IKZF4: variants seen among roughly 807,000 people sequenced by gnomAD.
IKZF4 encodes the protein zinc finger protein Eos.
A neutral mutation model predicts 47.7 loss-of-function variants in IKZF4; 11 were observed. The observed-to-expected ratio is 0.23, with a 90% CI of 0.15 to 0.38. The LOEUF (loss-of-function observed/expected upper bound fraction) is 0.38. Ranked by LOEUF, IKZF4 falls within the 10% of genes least tolerant of loss-of-function variation. The pLI, the probability that IKZF4 is intolerant of heterozygous loss-of-function variation, is 1.00. For missense variants in IKZF4, 557 were observed against 784.9 expected (o/e 0.71, Z 3.47); for synonymous variants, 298 against 299.4 (o/e 1.00, Z 0.05).
At chr12:56,022,999 C>T (rs1458744338) in intron 1 of IKZF4, among the ~76,000 whole-genome samples, 1 of 152,122 alleles carries the variant, frequency 6.6e-6, no homozygotes, top group Non-Finnish European at 1.5e-5. Context: ...CGGGGTTTCA[C>T]CGTGTTAGCC....
At position 56,035,235 on chromosome 12, in the gene IKZF4, C is replaced by T; in HGVS notation, c.1662C>T (p.Phe554=). ...CTATCCACATGGGCTGCCATGGCTT[C>T]AGAGACCCTTTTGAGTGCAACATCT... ...MFTIHMGCHG[F]RDPFECNICG... Residue 554 remains phenylalanine (F), a synonymous_variant, in exon 8 of 8, where the codon TTC becomes TTT. Transcript: ENST00000547167. This position sits in a 1 kb window ranked among gnomAD's most constrained non-coding sequence, Gnocchi z 6.1. The T allele has an allele frequency of 1.2e-6, 2 of 1,614,178 alleles. No individual in the cohort carries two copies. Among genetic ancestry groups the T allele is most frequent in the Non-Finnish European group, 1.7e-6 (2 of 1,180,030 alleles).
chr12:56,017,198 A>T, upstream of IKZF4, among the ~76,000 whole-genome samples: 1 of 149,256 alleles, frequency 6.7e-6, no homozygotes, highest in African/African-American at 2.5e-5. Flanking sequence ...TCAAATAGAC[A>T]TTAACCTTCA....
In IKZF4 at chr12:56,023,392, C is replaced by T. The variant is rs1893399051; in HGVS notation, c.88-279C>T. Among the ~76,000 whole-genome samples, 4 of 152,346 alleles carry T rather than the reference C, an allele frequency of 2.6e-5. No homozygotes were observed. The South Asian group carries it at 8.3e-4, about 32-fold the overall frequency. Reference sequence around the variant, plus strand: ...GTTGAAAGGATATATTTAAAACTGGCTCTGAGTCTACAAGTCTCAACCCAC... The same window carrying T: ...GTTGAAAGGATATATTTAAAACTGGTTCTGAGTCTACAAGTCTCAACCCAC... On this transcript the variant is annotated intron_variant, in intron 1 of 7. Coordinates refer to ENST00000547167, the MANE Select transcript of IKZF4 (RefSeq NM_022465.4).
rs1895512109 is a variant in IKZF4 at position 56,035,040 on chromosome 12, G to A, written c.1467G>A (p.Arg489=). The A allele has an allele frequency of 1.9e-6, 3 of 1,566,616 alleles. No homozygotes were observed. The highest frequency in any genetic ancestry group is 1.2e-5 in the South Asian group (1 of 82,534). ...CACCTCCCACCATTGTGGTGGGCCG[G>A]CACAGTCCTGCCTACGCCAAAGAGG... is the stretch of plus-strand genomic sequence containing the variant. The part of the protein sequence containing the change: ...PQPPPTIVVG[R]HSPAYAKEDP... Residue 489 remains arginine (R), a synonymous_variant, in exon 8 of 8, where the codon CGG becomes CGA. Transcript: ENST00000547167. The surrounding 1 kb of genome is among the most constrained non-coding windows in gnomAD (Gnocchi z 6.1).
Position 56,034,717 on chromosome 12 carries a change from C to T in IKZF4, c.1144C>T (p.Arg382Cys), listed in dbSNP as rs1895455566. 1.2e-6 allele frequency: 2 copies of T among 1,614,014 alleles called. No individual in the cohort carries two copies. Among genetic ancestry groups the T allele is most frequent in the Non-Finnish European group, 1.7e-6 (2 of 1,179,882 alleles). The change falls in exon 8 of 8, where the codon CGT (arginine) becomes TGT (cysteine). Residue 382 changes from arginine to cysteine, a missense_variant. Physicochemically the swap from Arg to Cys is radical, Grantham distance 180. Coordinates refer to ENST00000547167, the MANE Select transcript of IKZF4 (RefSeq NM_022465.4). ...SLAFVGAEHLRPLRLPPTNCI... is the reference protein window; with the variant it reads ...SLAFVGAEHLCPLRLPPTNCI... ...GGCCTTTGTGGGTGCAGAGCATCTGCGTCCCCTCCGCCTTCCACCCACCAA... is the reference window on the plus strand; with the variant it reads ...GGCCTTTGTGGGTGCAGAGCATCTGTGTCCCCTCCGCCTTCCACCCACCAA...
intron 1 of IKZF4, among the ~76,000 whole-genome samples, chr12:56,023,031 C>T (rs1893324550): frequency 6.6e-6 from 1 of 152,160 alleles, no homozygotes. Context: ...GATCTCCTGA[C>T]CTCGTGATCC....
exon 2 of IKZF4, chr12:56,011,432 C>CAG (rs1441098064): frequency 1.3e-5 from 2 of 152,102 alleles, no homozygotes; most frequent in Non-Finnish European, 2.9e-5. Context: ...ATGGGGAGGA[C>CAG]AGAGAAGCGC....
exon 1 of IKZF4, chr12:56,007,729 C>G (rs970899495): frequency 6.6e-6 from 1 of 152,182 alleles, no homozygotes; most frequent in Admixed American, 6.5e-5. Flanking sequence ...CGCGGAGACA[C>G]CTCAGGTGAG....
upstream of IKZF4, chr12:56,019,510 A>T (rs1472268886): frequency 8.0e-6 from 2 of 250,624 alleles, no homozygotes; most frequent in Non-Finnish European, 1.3e-5. Flanking sequence ...TGACAGAATG[A>T]CAGGGATCAG....
At chr12:56,026,040 A>G (rs922008415) in intron 3 of IKZF4, among the ~76,000 whole-genome samples, 11 of 151,460 alleles carry the variant, frequency 7.3e-5, no homozygotes, top group Non-Finnish European at 1.6e-4. Context: ...AGTTCAAGCG[A>G]TTCTCCTGCC....
At chr12:56,026,174 G>T (rs576582021) in intron 3 of IKZF4, among the ~76,000 whole-genome samples, 1 of 152,158 alleles carries the variant, frequency 6.6e-6, no homozygotes, top group African/African-American at 2.4e-5. Flanking sequence ...GACCTCAAAA[G>T]AATCCACCCG....
intron 1 of IKZF4, 108 bp downstream of exon 1, chr12:56,021,688 C>A: frequency 3.0e-6 from 2 of 657,812 alleles, no homozygotes; most frequent in Non-Finnish European, 4.9e-6. Context: ...AGGATGGGGG[C>A]TGTGTGTGTG....
At position 56,035,335 on chromosome 12, in the gene IKZF4, C is replaced by A. The variant is rs777172117; in HGVS notation, c.*4C>A. 6.2e-7 allele frequency: 1 copy of A among 1,600,762 alleles called. No individual in the cohort carries two copies. The highest frequency in any genetic ancestry group is 8.5e-7 in the Non-Finnish European group (1 of 1,172,748). Reference sequence around the variant, plus strand: ...GGGGGAGCATAAGGTGGGCTAGCAACCTCTCCCTCTCTCCTCAGTCCACCA... The same window carrying A: ...GGGGGAGCATAAGGTGGGCTAGCAAACTCTCCCTCTCTCCTCAGTCCACCA... On this transcript the variant is annotated 3_prime_UTR_variant, in exon 8 of 8. Coordinates refer to ENST00000547167, the MANE Select transcript of IKZF4 (RefSeq NM_022465.4). The surrounding 1 kb of genome is among the most constrained non-coding windows in gnomAD (Gnocchi z 6.1).
chr12:56,021,621 G>C, intron 1 of IKZF4, 41 bp downstream of exon 1: 1 of 1,568,338 alleles, frequency 6.4e-7, no homozygotes, highest in South Asian at 1.2e-5. Context: ...GGAGGAAGGG[G>C]GGTGCTGGGG....
At chr12:56,021,627 T>C in intron 1 of IKZF4, 47 bp downstream of exon 1, 1 of 1,555,518 alleles carries the variant, frequency 6.4e-7, no homozygotes, top group East Asian at 2.4e-5. Context: ...AGGGGGGTGC[T>C]GGGGCTAGGG....
At chr12:56,026,745 G>T in intron 3 of IKZF4, 36 bp from the exon 4 acceptor site, 2 of 1,427,608 alleles carry the variant, frequency 1.4e-6, no homozygotes, top group African/African-American at 3.0e-5. Context: ...TTCCCCCTTT[G>T]CCTCTCTCTA....
chr12:56,028,264 G>A (rs1390290037), intron 5 of IKZF4, among the ~76,000 whole-genome samples: 1 of 151,984 alleles, frequency 6.6e-6, no homozygotes, highest in Non-Finnish European at 1.5e-5. Flanking sequence ...GGTGGCTCAC[G>A]CCTGTAATCC....
intron 1 of IKZF4, chr12:56,010,452 A>G (rs1891206699): frequency 6.6e-6 from 1 of 152,046 alleles, no homozygotes; most frequent in Admixed American, 6.6e-5. Context: ...CTTAATGACC[A>G]TCTAGTTTGG....
At position 56,026,866 on chromosome 12, in the gene IKZF4, C is replaced by T. The variant is rs375497499; in HGVS notation, c.372C>T (p.Asp124=). Residue 124 remains aspartate, a synonymous_variant, in exon 4 of 8, where the codon GAC becomes GAT. Coordinates refer to ENST00000547167, the MANE Select transcript of IKZF4 (RefSeq NM_022465.4). The part of the protein sequence containing the change: ...GPDERLLEKD[D]SVIVEDSLSE... ...ATGAGCGGCTCCTGGAAAAGGACGA[C>T]AGCGTGATTGTGGAAGATTCATTGT... is the stretch of plus-strand genomic sequence containing the variant. 4 of 1,613,170 alleles carry T rather than the reference C, an allele frequency of 2.5e-6. No individual in the cohort carries two copies. The highest frequency in any genetic ancestry group is 2.2e-5 in the South Asian group (2 of 90,914).
Sources: allele counts gnomAD v4.1 joint callset (sites outside exome capture counted in the v4.1 genomes callset), GRCh38; gene constraint gnomAD v4.1.1; non-coding constraint Gnocchi (gnomAD v3.1); transcripts MANE v1.5; gene names NCBI Gene and HGNC (gene_info 2026-07-23, HGNC 2026-07-21).